Variants in WDFY2 observed in about 807,000 individuals in gnomAD.
WDFY2 encodes the protein WD repeat and FYVE domain containing 2.
In WDFY2, 36 loss-of-function variants were observed where a neutral mutation model predicts 56.4. That is an observed-to-expected ratio of 0.64 (90% CI 0.49 to 0.84). The LOEUF is 0.84. Among genes scored for constraint, WDFY2 ranks in the 40% least tolerant of loss-of-function variants. WDFY2 has a pLI of 0.00. For missense variants in WDFY2, 444 were observed against 512.2 expected (o/e 0.87, Z 1.29); for synonymous variants, 176 against 183.7 (o/e 0.96, Z 0.34).
intron 3 of WDFY2, among the ~76,000 whole-genome samples, chr13:51,695,683 G>A (rs1223510955): frequency 1.3e-5 from 2 of 152,226 alleles, no homozygotes. Context: ...ATCTCTAGCT[G>A]TGTGCTGGGA....
chr13:51,681,298 G>C (rs1308194488), intron 3 of WDFY2, among the ~76,000 whole-genome samples: 1 of 152,152 alleles, frequency 6.6e-6, no homozygotes, highest in Non-Finnish European at 1.5e-5. Flanking sequence ...GTACTTACAG[G>C]AGAATTGATG....
intron 3 of WDFY2, among the ~76,000 whole-genome samples, chr13:51,702,507 A>G (rs2138581095): frequency 6.6e-6 from 1 of 152,268 alleles, no homozygotes; most frequent in East Asian, 1.9e-4. Context: ...AGGGGGCTGG[A>G]ATGGAAAAAT....
In WDFY2 at chr13:51,756,248, C is replaced by A. The variant is rs368877405; in HGVS notation, c.934-84C>A. ...CCTCACCTGGATGCAGTTGATTACA[C>A]CTCTCTGCCAGGAGGGGTGAGATGC... On this transcript the variant is annotated intron_variant, in intron 9 of 11. Coordinates refer to ENST00000298125, the MANE Select transcript of WDFY2 (RefSeq NM_052950.4). 535 of 1,532,656 alleles carry A rather than the reference C, an allele frequency of 3.5e-4. 2 individuals carry two copies. In the African/African-American group the frequency reaches 6.4e-3, roughly 18 times the overall value. The allele number at this position is 1,532,656 out of a possible 1,614,324, so 94.9% of individuals were successfully genotyped here. A position where few individuals can be genotyped will look rare whatever the true frequency, so the allele number is the denominator to read the frequency against.
intron 1 of WDFY2, chr13:51,592,600 A>G (rs1954070667): frequency 6.6e-6 from 1 of 151,882 alleles, no homozygotes; most frequent in Non-Finnish European, 1.5e-5. Flanking sequence ...AAAAATAAAT[A>G]AAATAAAATT....
intron 3 of WDFY2, among the ~76,000 whole-genome samples, chr13:51,700,955 G>A (rs1191440392): frequency 2.6e-5 from 4 of 151,946 alleles, no homozygotes; most frequent in Non-Finnish European, 5.9e-5. Context: ...CAACAAGAGC[G>A]AAGCTCTGTC....
At chr13:51,675,372 G>A in intron 3 of WDFY2, 129 bp downstream of exon 3, 1 of 761,196 alleles carries the variant, frequency 1.3e-6, no homozygotes, top group Non-Finnish European at 2.1e-6. Context: ...TTGCAGCGTA[G>A]CAAATTATGG....
chr13:51,752,438 G>A (rs929481453), intron 8 of WDFY2, among the ~76,000 whole-genome samples: 3 of 152,192 alleles, frequency 2.0e-5, no homozygotes, highest in Admixed American at 6.5e-5. Context: ...CCATGTTCCC[G>A]CATGGCTGGT....
chr13:51,703,807 T>A (rs561809328), intron 4 of WDFY2, among the ~76,000 whole-genome samples, 157 bp downstream of exon 4: 3 of 152,242 alleles, frequency 2.0e-5, no homozygotes, highest in African/African-American at 7.2e-5. Flanking sequence ...ATTAAGAAAC[T>A]GAGGCCCAAT....
chr13:51,752,541 A>T (rs1953261967), intron 8 of WDFY2, among the ~76,000 whole-genome samples: 2 of 152,198 alleles, frequency 1.3e-5, no homozygotes, highest in South Asian at 4.1e-4. Flanking sequence ...GGGCCCTCCT[A>T]ACCAAACCAG....
At chr13:51,719,147 C>T (rs1262270679) in intron 4 of WDFY2, 51 bp from the exon 5 acceptor site, 3 of 1,612,234 alleles carry the variant, frequency 1.9e-6, no homozygotes, top group Non-Finnish European at 2.5e-6. Context: ...CATGTTCTTC[C>T]AACCTCCTTA....
rs1953757807 is a variant in WDFY2 at position 51,766,596 on chromosome 13, G to C, written c.*6827G>C. 6.6e-6 allele frequency: 1 copy of C among 152,226 alleles called. No homozygotes were observed. The highest frequency in any genetic ancestry group is 2.1e-4 in the South Asian group (1 of 4,828). The allele number at this position is 152,226 out of a possible 1,614,324, so 9.4% of individuals were successfully genotyped here. ...CCTGAATGTGATTAGGTGGTAATGA[G>C]CAAGAATTTCCTAGGATATTGAAAC... On this transcript the variant is annotated 3_prime_UTR_variant, in exon 12 of 12. Transcript: ENST00000298125.
chr13:51,669,402 G>C (rs1955769173), intron 2 of WDFY2, among the ~76,000 whole-genome samples: 1 of 152,164 alleles, frequency 6.6e-6, no homozygotes, highest in Non-Finnish European at 1.5e-5. Flanking sequence ...GTGAGACTCT[G>C]ACAGGCCAGT....
intron 1 of WDFY2, among the ~76,000 whole-genome samples, chr13:51,634,897 C>G (rs1593910387): frequency 6.6e-6 from 1 of 151,942 alleles, no homozygotes; most frequent in East Asian, 1.9e-4. Context: ...CAGAGTCCCC[C>G]CATAAGGAAG....
At chr13:51,686,856 C>T (rs1206349539) in intron 3 of WDFY2, among the ~76,000 whole-genome samples, 1 of 150,724 alleles carries the variant, frequency 6.6e-6, no homozygotes, top group Non-Finnish European at 1.5e-5. Context: ...ATTAGCCTCT[C>T]TTTTTTTTTC....
At chr13:51,722,047 G>A (rs1452264050) in intron 5 of WDFY2, among the ~76,000 whole-genome samples, 1 of 137,926 alleles carries the variant, frequency 7.3e-6, no homozygotes, top group African/African-American at 2.8e-5. Context: ...TGGTTTCGTC[G>A]TTGTTTGTTG....
At chr13:51,616,471 C>T (rs1473530580) in intron 1 of WDFY2, among the ~76,000 whole-genome samples, 1 of 152,062 alleles carries the variant, frequency 6.6e-6, no homozygotes, top group Admixed American at 6.5e-5. Flanking sequence ...GGTTAAATTG[C>T]AATAACAGGT....
chr13:51,715,395 G>A (rs903136277), intron 4 of WDFY2, among the ~76,000 whole-genome samples: 1 of 150,834 alleles, frequency 6.6e-6, no homozygotes, highest in Non-Finnish European at 1.5e-5. Context: ...AAACATTTTT[G>A]TTAAAAACTA....
chr13:51,668,972 C>T (rs907244486), intron 2 of WDFY2, among the ~76,000 whole-genome samples: 7 of 152,138 alleles, frequency 4.6e-5, no homozygotes, highest in Admixed American at 1.3e-4. Flanking sequence ...CCTCCCAAAT[C>T]GAAATATTTT....
At chr13:51,749,157 T>C (rs932452770) in intron 7 of WDFY2, among the ~76,000 whole-genome samples, 5 of 152,228 alleles carry the variant, frequency 3.3e-5, no homozygotes, top group Admixed American at 6.5e-5. Flanking sequence ...ATGTGACTTA[T>C]GTTAAAATGA....
Sources: allele counts gnomAD v4.1 joint callset (sites outside exome capture counted in the v4.1 genomes callset), GRCh38; gene constraint gnomAD v4.1.1; transcripts MANE v1.5; gene names NCBI Gene and HGNC (gene_info 2026-07-23, HGNC 2026-07-21).